Variants in PFAS observed in about 807,000 individuals in gnomAD.
PFAS encodes FGAM synthase.
PFAS carries 97 observed loss-of-function variants against 140.6 expected under a neutral mutation model. That is an observed-to-expected ratio of 0.69 (90% CI 0.59 to 0.82). The LOEUF is 0.82. PFAS is among the 40% of genes least tolerant of loss of function. The pLI is 0.00. For synonymous variants in PFAS, 679 were observed against 718.8 expected, an observed-to-expected ratio of 0.94 and a Z score of 0.88; for missense variants, 1,656 against 1,780.2, an observed-to-expected ratio of 0.93 and a Z score of 1.26.
Position 8,263,813 on chromosome 17 carries a change from G to T in PFAS, c.1668G>T (p.Gly556=). ...DPTLNALEIW[G]AEYQESNALL... is the part of the protein sequence containing the mutation. ...CCCTGAATGCCCTGGAAATCTGGGGGGCTGAGTACCAGGAATCAAATGCTC... is the reference window on the plus strand; with the variant it reads ...CCCTGAATGCCCTGGAAATCTGGGGTGCTGAGTACCAGGAATCAAATGCTC... Residue 556 remains glycine, a synonymous_variant, in exon 15 of 28, where the codon GGG becomes GGT. Coordinates refer to ENST00000314666, the MANE Select transcript of PFAS (RefSeq NM_012393.3). The T allele has an allele frequency of 6.2e-7, 1 of 1,614,126 alleles. No individual in the cohort carries two copies. The highest frequency in any genetic ancestry group is 2.2e-5 in the East Asian group (1 of 44,876).
upstream of PFAS, among the ~76,000 whole-genome samples, chr17:8,248,406 G>A (rs1271331134): frequency 3.9e-5 from 2 of 51,094 alleles, no homozygotes; most frequent in Non-Finnish European, 9.1e-5. Context: ...ACCACGCCCG[G>A]CTAATTTTTT....
In PFAS at chr17:8,264,903, C is replaced by T; in HGVS notation, c.2058C>T (p.Arg686=). Residue 686 remains arginine (R), a synonymous_variant, in exon 18 of 28, where the codon CGC becomes CGT. Coordinates refer to ENST00000314666, the MANE Select transcript of PFAS (RefSeq NM_012393.3). ...SKRYLTNKVD[R]SVGGLVAQQQ... ...CCCACCTGGTTCCACAGGTGGACCG[C>T]TCTGTGGGAGGCCTGGTGGCCCAGC... 3.8e-6 allele frequency: 6 copies of T among 1,582,512 alleles called. No homozygotes were observed. Among genetic ancestry groups the T allele is most frequent in the Non-Finnish European group, 5.2e-6 (6 of 1,160,992 alleles).
At chr17:8,253,581 C>T (rs376131515) in intron 1 of PFAS, among the ~76,000 whole-genome samples, 7 of 152,012 alleles carry the variant, frequency 4.6e-5, no homozygotes, top group Admixed American at 2.0e-4. Context: ...CTCTTGTTGC[C>T]CAGGCTGGAG....
Position 8,266,363 on chromosome 17 carries a change from C to T in PFAS, c.2821+10C>T, listed in dbSNP as rs201785740. On this transcript the variant is annotated intron_variant, in intron 22 of 27. Transcript: ENST00000314666. This position sits in a 1 kb window ranked among gnomAD's most constrained non-coding sequence, Gnocchi z 5.0. ...GTCCCCAGGGTTGATGGTAAGGAAC[C>T]TGGGGTCTAGTCTCAGGCCCGGGCT... 6 of 1,613,820 alleles carry T rather than the reference C, an allele frequency of 3.7e-6. No homozygotes were observed. The Admixed American group carries it at 6.7e-5, about 18-fold the overall frequency.
At chr17:8,264,097 C>G in intron 15 of PFAS, 115 bp from the exon 16 acceptor site, 3 of 1,492,270 alleles carry the variant, frequency 2.0e-6, no homozygotes, top group Non-Finnish European at 1.9e-6. Context: ...GGCAGGGACT[C>G]AATATGGAAA....
Position 8,264,955 on chromosome 17 carries a change from C to T in PFAS, c.2110C>T (p.Pro704Ser). 2 of 1,611,648 alleles carry T rather than the reference C, an allele frequency of 1.2e-6. No individual in the cohort carries two copies. The highest frequency in any genetic ancestry group is 1.7e-6 in the Non-Finnish European group (2 of 1,178,680). ...GCAGTGCGTGGGGCCCCTGCAAACT[C>T]CTCTGGCAGATGTAGCGGTTGTGGC... ...QQQCVGPLQT[P>S]LADVAVVALS... is the part of the protein sequence containing the mutation. Residue 704 changes from proline (P) to serine (S), a missense_variant, in exon 18 of 28, where the codon CCT becomes TCT. Coordinates refer to ENST00000314666, the MANE Select transcript of PFAS (RefSeq NM_012393.3).
At position 8,269,529 on chromosome 17, in the gene PFAS, GA is replaced by G. The variant is rs1179880488; in HGVS notation, c.*269del. ...GTGGTTCAGAGAAAAGAGCGACAAG[GA>G]AAAGTTAGGACTCCTGAGGTCCGAA... On this transcript the variant is annotated 3_prime_UTR_variant, in exon 28 of 28. Transcript: ENST00000314666. 14 of 433,244 alleles carry G rather than the reference GA, an allele frequency of 3.2e-5. No individual in the cohort carries two copies. Among genetic ancestry groups the G allele is most frequent in the Non-Finnish European group, 4.1e-5 (10 of 241,610 alleles). The allele number at this position is 433,244 out of a possible 1,614,324, so 26.8% of individuals were successfully genotyped here. A position where few individuals can be genotyped will look rare whatever the true frequency, so the allele number is the denominator to read the frequency against.
intron 13 of PFAS, 76 bp from the exon 14 acceptor site, chr17:8,263,499 C>G: frequency 7.6e-7 from 1 of 1,309,894 alleles, no homozygotes; most frequent in Non-Finnish European, 1.1e-6. Context: ...TTACAGGCCC[C>G]TTTGGAGGCC....
chr17:8,257,088 G>A, intron 9 of PFAS, 125 bp downstream of exon 9: 1 of 1,054,016 alleles, frequency 9.5e-7, no homozygotes. Flanking sequence ...AAGGGCTCTA[G>A]GATAGCTGGC....
rs1989363927 is a variant in PFAS, at chr17:8,256,336, G to A, written c.750G>A (p.Leu250=). Residue 250 remains leucine, a synonymous_variant, in exon 7 of 28, where the codon CTG becomes CTA. Transcript: ENST00000314666. ...HVDGQKLVHS[L]FESIMSTQES... is the part of the protein sequence containing the mutation. Reference sequence around the variant, plus strand: ...ATGGGCAGAAGCTGGTGCACTCACTGTTTGAGTCCATCATGAGCACCCAGG... The same window carrying A: ...ATGGGCAGAAGCTGGTGCACTCACTATTTGAGTCCATCATGAGCACCCAGG... 6.2e-7 allele frequency: 1 copy of A among 1,613,814 alleles called. No individual in the cohort carries two copies. The highest frequency in any genetic ancestry group is 8.5e-7 in the Non-Finnish European group (1 of 1,179,798).
chr17:8,262,687 T>G (rs1229080776), intron 11 of PFAS, among the ~76,000 whole-genome samples: 1 of 151,948 alleles, frequency 6.6e-6, no homozygotes, highest in African/African-American at 2.4e-5. Flanking sequence ...TCCCAGCTAC[T>G]CAGGAGGCTG....
chr17:8,268,475 C>A, intron 26 of PFAS, 58 bp from the exon 27 acceptor site: 1 of 1,290,386 alleles, frequency 7.7e-7, no homozygotes, highest in Non-Finnish European at 1.1e-6. Flanking sequence ...CCCTTCATTC[C>A]CAATTCCCTT....
intron 11 of PFAS, among the ~76,000 whole-genome samples, chr17:8,258,982 T>A (rs1208032663): frequency 7.8e-6 from 1 of 128,272 alleles, no homozygotes; most frequent in African/African-American, 3.2e-5. Context: ...GGAGACTCCA[T>A]CTCAAAAAAA....
chr17:8,263,326 A>G, intron 13 of PFAS, 61 bp downstream of exon 13: 1 of 1,570,726 alleles, frequency 6.4e-7, no homozygotes, highest in Non-Finnish European at 8.7e-7. Context: ...GGTTTCGTTT[A>G]GGGAGAGGTA....
Position 8,253,601 on chromosome 17 carries a change from G to A in PFAS, c.-79-258G>A, listed in dbSNP as rs139542301. ...GTTGCCCAGGCTGGAGTGCAATGGC[G>A]CGATCTCGGCTCACTGCAACCTCTG... On this transcript the variant is annotated intron_variant, in intron 1 of 27. Transcript: ENST00000314666. Among the ~76,000 whole-genome samples, 426 of 152,142 alleles carry A rather than the reference G, an allele frequency of 2.8e-3. 1 individual carries two copies. The highest frequency in any genetic ancestry group is 9.5e-3 in the African/African-American group (396 of 41,492).
At chr17:8,247,892 G>T (rs1234834091), upstream of PFAS, 4 of 1,098,430 alleles carry the variant, frequency 3.6e-6, no homozygotes, top group Admixed American at 6.0e-5. Context: ...CCTCACCCAT[G>T]GGCCGGACGC....
At chr17:8,258,666 C>T (rs1174286106) in intron 11 of PFAS, among the ~76,000 whole-genome samples, 1 of 152,042 alleles carries the variant, frequency 6.6e-6, no homozygotes, top group Admixed American at 6.6e-5. Context: ...CATGCTGAAA[C>T]CCTGTTGCTA....
Position 8,263,624 on chromosome 17 carries a change from C to T in PFAS, c.1617C>T (p.Thr539=), listed in dbSNP as rs1989684205. The T allele has an allele frequency of 6.2e-7, 1 of 1,613,994 alleles. No homozygotes were observed. Among genetic ancestry groups the T allele is most frequent in the Non-Finnish European group, 8.5e-7 (1 of 1,179,872 alleles). The change falls in exon 14 of 28, where the codon ACC becomes ACT. Residue 539 remains threonine (T), a synonymous_variant. Transcript: ENST00000314666. ...ACCCAGCTGGAGCCATCATTTACACCAGCCGCTTCCAGGTGGGTCTCGTCC... is the reference window on the plus strand; with the variant it reads ...ACCCAGCTGGAGCCATCATTTACACTAGCCGCTTCCAGGTGGGTCTCGTCC... The part of the protein sequence containing the change: ...LSDPAGAIIY[T]SRFQLGDPTL...
rs1217618336 is a variant in PFAS at position 8,253,978 on chromosome 17, A to T, written c.41A>T (p.His14Leu). The change falls in exon 2 of 28, where the codon CAT becomes CTT. Residue 14 changes from histidine (H) to leucine (L), a missense_variant. By Grantham distance (99) the His-to-Leu change is moderately conservative. Around this residue, in one of 2 missense-constraint regions of PFAS, gnomAD observed 773 missense variants for 757.3 expected, o/e 1.02. Transcript: ENST00000314666. ...VLHFYVRPSGHEGAAPGHTRR... is the reference protein window; with the variant it reads ...VLHFYVRPSGLEGAAPGHTRR... Reference sequence around the variant, plus strand: ...CACTTCTATGTTCGTCCCTCTGGCCATGAGGGGGCAGCCCCTGGACACACT... The same window carrying T: ...CACTTCTATGTTCGTCCCTCTGGCCTTGAGGGGGCAGCCCCTGGACACACT... 6.2e-7 allele frequency: 1 copy of T among 1,614,008 alleles called. No individual in the cohort carries two copies. Among genetic ancestry groups the T allele is most frequent in the Admixed American group, 1.7e-5 (1 of 60,006 alleles).
Sources: allele counts gnomAD v4.1 joint callset (sites outside exome capture counted in the v4.1 genomes callset), GRCh38; gene constraint gnomAD v4.1.1; regional missense constraint gnomAD v4.1.1; non-coding constraint Gnocchi (gnomAD v3.1); transcripts MANE v1.5; gene names NCBI Gene and HGNC (gene_info 2026-07-23, HGNC 2026-07-21).